KALRN: variants seen among roughly 807,000 people sequenced by gnomAD.
The protein encoded by KALRN is kalirin.
Under a neutral mutation model 353.7 loss-of-function variants are expected in KALRN, and 70 were observed. The observed-to-expected ratio is 0.20, with a 90% CI of 0.16 to 0.24. The LOEUF (loss-of-function observed/expected upper bound fraction) is 0.24. KALRN is among the 10% of genes least tolerant of loss of function. KALRN has a pLI of 1.00. For synonymous variants in KALRN, 1,391 were observed against 1,434.8 expected (o/e 0.97, Z 0.69); for missense variants, 2,791 against 3,756.7 (o/e 0.74, Z 6.72).
intron 11 of KALRN, among the ~76,000 whole-genome samples, chr3:124,389,549 T>A (rs1214272865): frequency 1.3e-5 from 2 of 152,256 alleles, no homozygotes; most frequent in Non-Finnish European, 2.9e-5. Context: ...ATCACAGTGT[T>A]AGTCATAATC....
intron 1 of KALRN, among the ~76,000 whole-genome samples, chr3:124,173,274 A>G (rs1216941249): frequency 1.3e-5 from 2 of 152,256 alleles, no homozygotes; most frequent in African/African-American, 2.4e-5. Context: ...AATGGTTAAA[A>G]TAAGTTTGAT....
intron 1 of KALRN, among the ~76,000 whole-genome samples, chr3:124,153,474 T>G (rs1289060234): frequency 1.8e-4 from 27 of 150,702 alleles, no homozygotes; most frequent in Admixed American, 3.3e-4. Context: ...TGCATAGTAT[T>G]CCATGGTGTA....
At chr3:124,555,075 T>A (rs890663751) in intron 33 of KALRN, among the ~76,000 whole-genome samples, 2 of 152,086 alleles carry the variant, frequency 1.3e-5, no homozygotes, top group African/African-American at 4.8e-5. Context: ...CATCTTCCTG[T>A]TTTAGCCCCA....
chr3:124,697,547 C>CT, intron 54 of KALRN, 46 bp from the exon 55 acceptor site: 1 of 1,524,870 alleles, frequency 6.6e-7, no homozygotes, highest in Non-Finnish European at 8.8e-7. Flanking sequence ...TGTAAAATGC[C>CT]AAGTTCTGCA....
intron 1 of KALRN, among the ~76,000 whole-genome samples, chr3:124,066,398 G>A (rs2042366174): frequency 6.6e-6 from 1 of 152,162 alleles, no homozygotes; most frequent in Non-Finnish European, 1.5e-5. Flanking sequence ...GGTGAAAATG[G>A]GTTCATTAGA....
At chr3:124,642,814 T>TTTTTTTTTTTTTG (rs2082235464) in intron 37 of KALRN, among the ~76,000 whole-genome samples, 1 of 102,208 alleles carries the variant, frequency 9.8e-6, no homozygotes, top group Non-Finnish European at 2.2e-5. Context: ...TCGTTTTTTT[T>TTTTTTTTTTTTTG]TTTTTTTTTT....
rs1463368738 is a variant in KALRN, at chr3:124,632,501, C to G, written c.5264C>G (p.Ser1755Cys). The G allele has an allele frequency of 1.2e-6, 2 of 1,614,160 alleles. No individual in the cohort carries two copies. The highest frequency in any genetic ancestry group is 1.7e-5 in the Admixed American group (1 of 60,028). ...CTGCAGGCCCAGCCCTCCCTGAACT[C>G]CATCCACAGTTCCCCGGGTCCCAAG... ...ANLQAQPSLN[S>C]IHSSPGPKRS... The change falls in exon 35 of 60, where the codon TCC (serine) becomes TGC (cysteine). Residue 1755 changes from serine to cysteine, a missense_variant. Transcript: ENST00000682506.
chr3:124,182,928 A>G (rs998331957), intron 1 of KALRN, among the ~76,000 whole-genome samples: 1 of 152,238 alleles, frequency 6.6e-6, no homozygotes, highest in African/African-American at 2.4e-5. Context: ...AGTGTTGGGG[A>G]AGAGGAGCTG....
intron 1 of KALRN, among the ~76,000 whole-genome samples, chr3:124,208,423 AT>A (rs1667480565): frequency 1.3e-5 from 2 of 152,162 alleles, no homozygotes; most frequent in African/African-American, 4.8e-5. Context: ...AAGAATCTTG[AT>A]TTTTAAAGAG....
At chr3:124,518,427 C>G (rs910842144) in intron 33 of KALRN, 10 of 1,614,178 alleles carry the variant, frequency 6.2e-6, no homozygotes, top group Non-Finnish European at 8.5e-6. Context: ...TCGGTGGCAC[C>G]TGGGACCTGG....
rs2063620542 is a variant in KALRN, at chr3:124,118,119, GA to G, written c.73+84307del. Among the ~76,000 whole-genome samples the G allele has an allele frequency of 2.6e-5, 4 of 152,206 alleles. No individual in the cohort carries two copies. In the South Asian group the frequency reaches 8.3e-4, roughly 32 times the overall value. Reference sequence around the variant, plus strand: ...GGCTGGCATGGAGGTAGGCAGAGGAGAGTGCCTTCCCTCAGGGTGACTGTCA... The same window carrying G: ...GGCTGGCATGGAGGTAGGCAGAGGAGGTGCCTTCCCTCAGGGTGACTGTCA... On this transcript the variant is annotated intron_variant, in intron 1 of 59. Transcript: ENST00000682506.
At chr3:124,305,354 G>C (rs974790169) in intron 6 of KALRN, among the ~76,000 whole-genome samples, 1 of 152,196 alleles carries the variant, frequency 6.6e-6, no homozygotes, top group African/African-American at 2.4e-5. Context: ...ATCAGGGAAA[G>C]AGATCTCCTG....
At chr3:124,113,125 G>C (rs1450527396) in intron 1 of KALRN, among the ~76,000 whole-genome samples, 1 of 152,132 alleles carries the variant, frequency 6.6e-6, no homozygotes, top group African/African-American at 2.4e-5. Context: ...GTGGGAGGAG[G>C]CTTTGAAATA....
intron 1 of KALRN, among the ~76,000 whole-genome samples, chr3:124,193,994 A>G (rs766791545): frequency 6.6e-6 from 1 of 152,164 alleles, no homozygotes; most frequent in Non-Finnish European, 1.5e-5. Context: ...GAGTGTTCCA[A>G]CTAGGCTTTG....
chr3:124,557,735 C>T (rs2071445566), intron 33 of KALRN, among the ~76,000 whole-genome samples: 1 of 152,090 alleles, frequency 6.6e-6, no homozygotes. Context: ...GGGCAGGCAG[C>T]CAGGGGAGGA....
At chr3:124,532,593 G>A (rs922281942) in intron 33 of KALRN, among the ~76,000 whole-genome samples, 1 of 151,962 alleles carries the variant, frequency 6.6e-6, no homozygotes, top group Non-Finnish European at 1.5e-5. Context: ...ATCACTTGAG[G>A]TCAGGAGTTC....
Position 124,312,622 on chromosome 3 carries a change from A to C in KALRN, c.1093-13358A>C, listed in dbSNP as rs548750967. Among the ~76,000 whole-genome samples, 205 of 152,354 alleles carry C rather than the reference A, an allele frequency of 1.3e-3. 3 individuals are homozygous for C. The highest frequency in any genetic ancestry group is 3.4e-4 in the Non-Finnish European group (23 of 68,030). ...GCCATGACAGAGTGTGGACACCAAC[A>C]CTGGTGGTGTTAGGGAAGCTGAAGT... On this transcript the variant is annotated intron_variant, in intron 6 of 59. Transcript: ENST00000682506.
intron 1 of KALRN, among the ~76,000 whole-genome samples, chr3:124,144,406 C>T (rs980477497): frequency 2.6e-5 from 4 of 152,152 alleles, no homozygotes; most frequent in Non-Finnish European, 5.9e-5. Context: ...GTCATCTGTG[C>T]ATCTGTGCCT....
chr3:124,550,665 T>C (rs1432498313), intron 33 of KALRN, among the ~76,000 whole-genome samples: 1 of 152,088 alleles, frequency 6.6e-6, no homozygotes, highest in Non-Finnish European at 1.5e-5. Context: ...TTTACTCTTT[T>C]TGTCCCTGGA....
Sources: allele counts gnomAD v4.1 joint callset (sites outside exome capture counted in the v4.1 genomes callset), GRCh38; gene constraint gnomAD v4.1.1; transcripts MANE v1.5; gene names NCBI Gene and HGNC (gene_info 2026-07-23, HGNC 2026-07-21).